Variants in PCDH15 observed in about 807,000 individuals in gnomAD.
The protein encoded by PCDH15 is protocadherin related 15.
Under a neutral mutation model 178.5 loss-of-function variants are expected in PCDH15, and 129 were observed. That is an observed-to-expected ratio of 0.72 (90% CI 0.63 to 0.84). The LOEUF (loss-of-function observed/expected upper bound fraction) is 0.84. Ranked by LOEUF, PCDH15 falls within the 40% of genes least tolerant of loss-of-function variation. PCDH15 has a pLI of 0.00. For missense variants in PCDH15, 2,230 were observed against 2,099.9 expected (o/e 1.06, Z -1.21); for synonymous variants, 800 against 732.0 (o/e 1.09, Z -1.50).
At chr10:54,621,626 T>C (rs1245622776) in intron 2 of PCDH15, among the ~76,000 whole-genome samples, 2 of 152,002 alleles carry the variant, frequency 1.3e-5, no homozygotes, top group African/African-American at 4.8e-5. Flanking sequence ...AAAAGGAACA[T>C]TATGTTTTCT....
intron 2 of PCDH15, among the ~76,000 whole-genome samples, chr10:55,432,841 C>G (rs1462404200): frequency 3.3e-5 from 5 of 151,586 alleles, no homozygotes; most frequent in East Asian, 1.9e-4. Context: ...AGCCAGGATG[C>G]TCTCGATCTC....
At chr10:54,188,441 G>T (rs2048671958) in intron 11 of PCDH15, among the ~76,000 whole-genome samples, 1 of 151,826 alleles carries the variant, frequency 6.6e-6, no homozygotes, top group Non-Finnish European at 1.5e-5. Flanking sequence ...GAATTTAAGT[G>T]TTAAATCAAT....
chr10:54,164,483 GTAAACTAATATAC>G (rs1430854401), intron 13 of PCDH15, among the ~76,000 whole-genome samples: 1 of 152,160 alleles, frequency 6.6e-6, no homozygotes, highest in Non-Finnish European at 1.5e-5. Flanking sequence ...ATTTACGTGT[GTAAACTAATATAC>G]CCAGTTGAAT....
intron 3 of PCDH15, among the ~76,000 whole-genome samples, chr10:54,850,391 A>G (rs1953596439): frequency 6.6e-6 from 1 of 152,104 alleles, no homozygotes; most frequent in Non-Finnish European, 1.5e-5. Flanking sequence ...CCCATCACCC[A>G]AGCAGTATAC....
At chr10:54,117,333 G>A (rs775573674) in intron 15 of PCDH15, among the ~76,000 whole-genome samples, 2 of 152,132 alleles carry the variant, frequency 1.3e-5, no homozygotes, top group Non-Finnish European at 2.9e-5. Flanking sequence ...GCATCTGGAT[G>A]AGGGGAATAT....
At chr10:55,552,434 A>G (rs1286419780) in intron 2 of PCDH15, among the ~76,000 whole-genome samples, 1 of 151,542 alleles carries the variant, frequency 6.6e-6, no homozygotes, top group Non-Finnish European at 1.5e-5. Context: ...TTGTGGGTTA[A>G]TACTAAAGCC....
chr10:55,160,445 CT>C (rs540917682), intron 2 of PCDH15, among the ~76,000 whole-genome samples: 1 of 151,776 alleles, frequency 6.6e-6, no homozygotes, highest in African/African-American at 2.4e-5. Context: ...CCAAATAATG[CT>C]TTTTTTGGTC....
At chr10:54,807,102 T>G (rs1390822180) in intron 3 of PCDH15, among the ~76,000 whole-genome samples, 1 of 152,184 alleles carries the variant, frequency 6.6e-6, no homozygotes, top group East Asian at 1.9e-4. Context: ...AAAGGGACCA[T>G]CTTAGAATTC....
In PCDH15 at chr10:54,534,068, T is replaced by C. The variant is rs553526102; in HGVS notation, c.92-6191A>G. ...AACAAGGACAAAATGAGGAAATCTA[T>C]GGTAATTTCTTAGAAGAGTGTCTGG... On this transcript the variant is annotated intron_variant, in intron 2 of 37. Coordinates refer to ENST00000644397, the MANE Select transcript of PCDH15 (RefSeq NM_001384140.1). Among the ~76,000 whole-genome samples, 4 of 152,288 alleles carry C rather than the reference T, an allele frequency of 2.6e-5. No homozygotes were observed. The South Asian group carries it at 6.2e-4, about 24-fold the overall frequency.
chr10:54,303,876 G>A (rs957965735), intron 8 of PCDH15, among the ~76,000 whole-genome samples: 3 of 152,184 alleles, frequency 2.0e-5, no homozygotes, highest in South Asian at 2.1e-4. Context: ...ATATTAAAGA[G>A]ATGCTTCTTG....
intron 3 of PCDH15, among the ~76,000 whole-genome samples, chr10:54,487,975 T>C (rs1460420754): frequency 2.6e-5 from 4 of 152,100 alleles, no homozygotes; most frequent in African/African-American, 7.2e-5. Context: ...AGTGAAGCTT[T>C]TGACAAATTA....
At chr10:55,335,875 TA>T (rs1173408699) in intron 2 of PCDH15, among the ~76,000 whole-genome samples, 5 of 152,144 alleles carry the variant, frequency 3.3e-5, no homozygotes, top group South Asian at 2.1e-4. Context: ...GAAGCTTGTT[TA>T]AAAAGCAGAC....
At chr10:54,884,363 A>G (rs188206435) in intron 3 of PCDH15, among the ~76,000 whole-genome samples, 7 of 152,180 alleles carry the variant, frequency 4.6e-5, no homozygotes, top group Middle Eastern at 3.4e-3. Flanking sequence ...TCTACTTTAT[A>G]ATAAGATTTG....
At chr10:54,290,745 C>G (rs1157267861) in intron 8 of PCDH15, among the ~76,000 whole-genome samples, 1 of 152,120 alleles carries the variant, frequency 6.6e-6, no homozygotes, top group Non-Finnish European at 1.5e-5. Context: ...GGGTTGCAAT[C>G]TTAGTCTCTG....
intron 1 of PCDH15, among the ~76,000 whole-genome samples, chr10:54,757,103 A>G (rs939782992): frequency 1.3e-5 from 2 of 152,172 alleles, no homozygotes; most frequent in African/African-American, 4.8e-5. Flanking sequence ...TTGCTTTATG[A>G]ATGTTCTGCT....
At chr10:53,827,121 A>T (rs955736856) in intron 32 of PCDH15, among the ~76,000 whole-genome samples, 4 of 152,000 alleles carry the variant, frequency 2.6e-5, no homozygotes, top group African/African-American at 9.7e-5. Context: ...TGAGATATTA[A>T]ATATTATACT....
At chr10:54,373,048 T>A (rs1947906447) in intron 4 of PCDH15, among the ~76,000 whole-genome samples, 1 of 151,944 alleles carries the variant, frequency 6.6e-6, no homozygotes, top group African/African-American at 2.4e-5. Context: ...ATTTTTGTTA[T>A]GAATTTCTCA....
chr10:54,389,095 G>A (rs911682137), intron 3 of PCDH15, among the ~76,000 whole-genome samples: 4 of 151,922 alleles, frequency 2.6e-5, no homozygotes, highest in Non-Finnish European at 5.9e-5. Context: ...TTGAGACCAG[G>A]AAGCCCATTC....
At chr10:55,472,243 A>T (rs1839970872) in intron 2 of PCDH15, among the ~76,000 whole-genome samples, 2 of 152,130 alleles carry the variant, frequency 1.3e-5, no homozygotes. Flanking sequence ...GTATCTATTA[A>T]ATTTGCTTAT....
Sources: gnomAD v4.1 joint callset for allele counts (sites outside exome capture counted in the v4.1 genomes callset) on GRCh38, gnomAD v4.1.1 for gene constraint, MANE v1.5 for transcripts, NCBI Gene and HGNC (gene_info 2026-07-23, HGNC 2026-07-21) for gene names.